FRMD7: variants seen among roughly 807,000 people sequenced by gnomAD.
The protein encoded by FRMD7 is FERM domain containing 7, also known as FERM domain-containing protein 7.
A neutral mutation model predicts 44.1 loss-of-function variants in FRMD7; 14 were observed. That is an observed-to-expected ratio of 0.32 (90% confidence interval 0.21 to 0.50). The LOEUF is 0.50. FRMD7 is among the 20% of genes least tolerant of loss of function. FRMD7 has a pLI of 0.99. For synonymous variants in FRMD7, 212 were observed against 187.4 expected (o/e 1.13, Z -1.07); for missense variants, 501 against 522.3 (o/e 0.96, Z 0.40).
At chrX:132,103,691 T>C (rs1272308176) in intron 1 of FRMD7, among the ~76,000 whole-genome samples, 2 of 112,165 alleles carry the variant, frequency 1.8e-5, no homozygotes, top group Non-Finnish European at 3.8e-5. Context: ...TACCAAATTT[T>C]CTGTGCACCA....
At chrX:132,093,776 C>T (rs977911389) in intron 5 of FRMD7, among the ~76,000 whole-genome samples, 1 of 112,389 alleles carries the variant, frequency 8.9e-6, no homozygotes, top group African/African-American at 3.2e-5. Context: ...GACAGCTTTC[C>T]CAGAGGCGGT....
intron 1 of FRMD7, among the ~76,000 whole-genome samples, chrX:132,104,445 C>A (rs1928591704): frequency 9.0e-6 from 1 of 111,646 alleles, no homozygotes; most frequent in Admixed American, 9.5e-5. Flanking sequence ...GTAATCCTAG[C>A]ACTTTGGGAG....
intron 1 of FRMD7, among the ~76,000 whole-genome samples, chrX:132,109,862 C>T (rs1268896422): frequency 9.0e-6 from 1 of 111,131 alleles, no homozygotes; most frequent in Non-Finnish European, 1.9e-5. Flanking sequence ...AATGAAACTG[C>T]AAGCAGTTTG....
intron 1 of FRMD7, among the ~76,000 whole-genome samples, chrX:132,114,977 G>C (rs745644869): frequency 4.4e-5 from 5 of 112,708 alleles, no homozygotes; most frequent in African/African-American, 1.6e-4. Flanking sequence ...CAACCAGCTA[G>C]ATTCCACTTA....
At chrX:132,100,323 G>A (rs5933074) in intron 2 of FRMD7, among the ~76,000 whole-genome samples, 9,258 of 111,460 alleles carry the variant, frequency 0.083, 359 homozygotes, top group Non-Finnish European at 0.11. Flanking sequence ...GTAAAGATGA[G>A]GTTTCACTAT....
At chrX:132,108,453 G>A (rs1216938088) in intron 1 of FRMD7, among the ~76,000 whole-genome samples, 1 of 111,972 alleles carries the variant, frequency 8.9e-6, no homozygotes, top group Admixed American at 9.5e-5. Flanking sequence ...AGCTTCTAGC[G>A]AGAATATTCA....
chrX:132,104,140 T>TCATATGCACATGCACATATG (rs1928582457), intron 1 of FRMD7, among the ~76,000 whole-genome samples: 2 of 112,328 alleles, frequency 1.8e-5, no homozygotes, highest in Admixed American at 1.9e-4. Flanking sequence ...GCCTGGCACA[T>TCATATGCACATGCACATATG]CATATGCACA....
Position 132,085,738 on chromosome X carries a change from G to A in FRMD7, c.498-10C>T. Reference sequence around the variant, plus strand: ...AGCTGGGCTCCTGCCACTGAAAGGGGAAAGAATTTATGAGCCTAATAAATG... The same window carrying A: ...AGCTGGGCTCCTGCCACTGAAAGGGAAAAGAATTTATGAGCCTAATAAATG... On this transcript the variant is annotated splice_polypyrimidine_tract_variant and intron_variant, in intron 6 of 11. Transcript: ENST00000298542. 1.7e-6 allele frequency: 2 copies of A among 1,205,609 alleles called. No individual in the cohort carries two copies. The highest frequency in any genetic ancestry group is 5.9e-5 in the East Asian group (2 of 33,804).
At chrX:132,127,695 A>G (rs1929189360) in intron 1 of FRMD7, 93 bp downstream of exon 1, 2 of 705,231 alleles carry the variant, frequency 2.8e-6, no homozygotes, top group Middle Eastern at 3.2e-4. Context: ...TCAGTCCTAA[A>G]GAAGACATAA....
In FRMD7 at chrX:132,097,251, A is replaced by AG; in HGVS notation, c.284+14dup. ...TAAGTAACATCATGCAGAGACACAC[A>AG]GGTAATCACTATACCTTGTAAGTTC... On this transcript the variant is annotated intron_variant, in intron 4 of 11. Transcript: ENST00000298542. The AG allele has an allele frequency of 4.7e-6, 5 of 1,066,673 alleles. No homozygotes were observed. The allele number at this position is 1,066,673 out of a possible 1,213,427, so 87.9% of individuals were successfully genotyped here.
chrX:132,077,511 T>C lies in FRMD7; in HGVS notation c.*361A>G, dbSNP rs150979435. On this transcript the variant is annotated 3_prime_UTR_variant, in exon 12 of 12. Coordinates refer to ENST00000298542, the MANE Select transcript of FRMD7 (RefSeq NM_194277.3). ...CAATCTACTAAATCACTAAATGCCA[T>C]TAGACGCTAATTCCATATGCCAACC... is the stretch of plus-strand genomic sequence containing the variant. The C allele has an allele frequency of 3.8e-4, 79 of 206,446 alleles. No individual in the cohort carries two copies. In the East Asian group the frequency reaches 7.9e-3, roughly 21 times the overall value. The allele number at this position is 206,446 out of a possible 1,213,427, so 17.0% of individuals were successfully genotyped here.
chrX:132,110,113 G>A (rs1928740799), intron 1 of FRMD7, among the ~76,000 whole-genome samples: 1 of 111,332 alleles, frequency 9.0e-6, no homozygotes, highest in African/African-American at 3.3e-5. Context: ...GAATCACCTG[G>A]GGATCTTGTT....
At chrX:132,099,138 C>G (rs762239489) in intron 3 of FRMD7, among the ~76,000 whole-genome samples, 1 of 111,739 alleles carries the variant, frequency 8.9e-6, no homozygotes, top group Admixed American at 9.5e-5. Context: ...TTCAGGCAGA[C>G]AGTGAATGGC....
In FRMD7 at chrX:132,078,643, G is replaced by T; in HGVS notation, c.1374C>A (p.Ser458Arg). Residue 458 changes from serine (S) to arginine (R), a missense_variant, in exon 12 of 12, where the codon AGC (serine) becomes AGA (arginine). Ser to Arg is a moderately radical substitution (Grantham distance 110, BLOSUM62 -1). This residue lies in a region of FRMD7 where 453 missense variants were observed against 452.7 expected (regional missense o/e 1.00). Transcript: ENST00000298542. The stretch of plus-strand genomic sequence containing the variant: ...CTTTGCTTGTGAGGCCAGAATATAT[G>T]CTCATGTGATTACCAGAAAACTTAC... ...TSCKFSGNHM[S>R]IYSGLTSKVR... The T allele has an allele frequency of 2.5e-6, 3 of 1,211,260 alleles. No individual in the cohort carries two copies. The highest frequency in any genetic ancestry group is 2.3e-4 in the Middle Eastern group (1 of 4,353).
At chrX:132,084,365 A>G (rs1927916177) in intron 8 of FRMD7, 125 bp downstream of exon 8, 1 of 518,697 alleles carries the variant, frequency 1.9e-6, no homozygotes, top group East Asian at 3.4e-5. Flanking sequence ...CAAAGGCAAA[A>G]GAAAAGACAC....
At position 132,097,348 on chromosome X, in the gene FRMD7, A is replaced by C. The variant is rs1064796971; in HGVS notation, c.206-4T>G. On this transcript the variant is annotated splice_region_variant and splice_polypyrimidine_tract_variant and intron_variant, in intron 3 of 11. Transcript: ENST00000298542. ...TTGAAAACAATCTCCTTAGGATCTT[A>C]AAACACAATATCTCCATAAGTTTTA... 3 of 1,081,453 alleles carry C rather than the reference A, an allele frequency of 2.8e-6. No individual in the cohort carries two copies. Among genetic ancestry groups the C allele is most frequent in the Admixed American group, 2.2e-5 (1 of 45,400 alleles). The allele number at this position is 1,081,453 out of a possible 1,213,427, so 89.1% of individuals were successfully genotyped here.
intron 5 of FRMD7, among the ~76,000 whole-genome samples, 185 bp downstream of exon 5, chrX:132,093,857 C>T (rs1432475614): frequency 8.9e-6 from 1 of 112,156 alleles, no homozygotes; most frequent in Non-Finnish European, 1.9e-5. Flanking sequence ...CAAAGGTATT[C>T]TTGTCACTAT....
chrX:132,100,523 A>G (rs1416818110), intron 2 of FRMD7, 89 bp downstream of exon 2: 6 of 624,232 alleles, frequency 9.6e-6, no homozygotes, highest in African/African-American at 2.2e-5. Flanking sequence ...TCATTTTTCA[A>G]TCAGGGAATT....
At position 132,086,771 on chromosome X, in the gene FRMD7, G is replaced by A. The variant is rs1256917395; in HGVS notation, c.383-737C>T. ...ATTCAGTCTCTGGTATTTTGTTATG[G>A]CAGCCCTAGCAAACTAGTACAGCCA... is the stretch of plus-strand genomic sequence containing the variant. On this transcript the variant is annotated intron_variant, in intron 5 of 11. Transcript: ENST00000298542. Among the ~76,000 whole-genome samples, 4 of 111,439 alleles carry A rather than the reference G, an allele frequency of 3.6e-5. No individual in the cohort carries two copies. In the Admixed American group the frequency reaches 3.8e-4, roughly 11 times the overall value.
Sources: allele counts gnomAD v4.1 joint callset (sites outside exome capture counted in the v4.1 genomes callset), GRCh38; gene constraint gnomAD v4.1.1; regional missense constraint gnomAD v4.1.1; transcripts MANE v1.5; gene names NCBI Gene and HGNC (gene_info 2026-07-23, HGNC 2026-07-21).